DNAH7: variants seen among roughly 807,000 people sequenced by gnomAD.
DNAH7 encodes dynein axonemal heavy chain 7, also known as axonemal beta dynein heavy chain 7.
In DNAH7, 397 loss-of-function variants were observed where a neutral mutation model predicts 444.6. The observed-to-expected ratio is 0.89, with a 90% confidence interval of 0.82 to 0.97. The LOEUF is 0.97. Among genes scored for constraint, DNAH7 ranks in the 50% least tolerant of loss-of-function variants. The pLI is 0.00. For missense variants in DNAH7, 4,902 were observed against 4,800.8 expected (o/e 1.02, Z -0.62); for synonymous variants, 1,636 against 1,624.4 (o/e 1.01, Z -0.17).
At chr2:195,847,159 T>C (rs1419040701) in intron 46 of DNAH7, among the ~76,000 whole-genome samples, 1 of 146,054 alleles carries the variant, frequency 6.8e-6, no homozygotes, top group Non-Finnish European at 1.5e-5. Context: ...TATATACTTA[T>C]ATATATAAAC....
Position 195,865,081 on chromosome 2 carries a change from T to C in DNAH7, c.6634-60A>G, listed in dbSNP as rs2125097608. 14 of 1,482,984 alleles carry C rather than the reference T, an allele frequency of 9.4e-6. No homozygotes were observed. In the South Asian group the frequency reaches 1.6e-4, roughly 17 times the overall value. The allele number at this position is 1,482,984 out of a possible 1,614,324, so 91.9% of individuals were successfully genotyped here. On this transcript the variant is annotated intron_variant, in intron 40 of 64. Coordinates refer to ENST00000312428, the MANE Select transcript of DNAH7 (RefSeq NM_018897.3). ...TCTTCTGATTTTTAAGAAAGTGTTA[T>C]TATATCTGTGCTAATCTCAGGTAAT...
At chr2:195,753,405 G>T (rs1188887827) in intron 63 of DNAH7, among the ~76,000 whole-genome samples, 8 of 152,174 alleles carry the variant, frequency 5.3e-5, no homozygotes, top group Non-Finnish European at 1.2e-4. Flanking sequence ...TCTTGGCACA[G>T]TAATGCGATT....
intron 54 of DNAH7, among the ~76,000 whole-genome samples, chr2:195,802,669 C>CA (rs1003824292): frequency 4.8e-4 from 68 of 142,260 alleles, no homozygotes; most frequent in East Asian, 1.2e-3. Context: ...TGTCTCAAAA[C>CA]AAAAAAAACA....
chr2:196,026,667 T>C, intron 7 of DNAH7, 93 bp downstream of exon 7: 1 of 830,108 alleles, frequency 1.2e-6, no homozygotes, highest in Non-Finnish European at 1.8e-6. Flanking sequence ...TATAATATTG[T>C]GACTAGTTTC....
chr2:195,959,306 C>T (rs1011752138), intron 18 of DNAH7, among the ~76,000 whole-genome samples: 11 of 151,918 alleles, frequency 7.2e-5, no homozygotes, highest in African/African-American at 2.4e-4. Flanking sequence ...GACCTGAATG[C>T]TTCTGCTTTC....
intron 12 of DNAH7, chr2:195,994,875 T>C: frequency 2.4e-6 from 1 of 411,622 alleles, no homozygotes; most frequent in Non-Finnish European, 4.7e-6. Flanking sequence ...TTGACAGGCC[T>C]TGACATTGGG....
chr2:195,919,428 T>C (rs2125338758), intron 24 of DNAH7, among the ~76,000 whole-genome samples: 1 of 152,058 alleles, frequency 6.6e-6, no homozygotes, highest in Middle Eastern at 3.4e-3. Context: ...CACTGCAGCC[T>C]CCACCTCTTG....
chr2:196,055,885 T>C (rs1697770479), intron 2 of DNAH7, among the ~76,000 whole-genome samples: 1 of 152,236 alleles, frequency 6.6e-6, no homozygotes, highest in South Asian at 2.1e-4. Flanking sequence ...TCCATGCTGT[T>C]GCTGAGCTAT....
In DNAH7 at chr2:195,873,591, G is replaced by A; in HGVS notation, c.6390C>T (p.Ile2130=). 1 of 1,409,840 alleles carries A rather than the reference G, an allele frequency of 7.1e-7. No homozygotes were observed. The highest frequency in any genetic ancestry group is 9.4e-7 in the Non-Finnish European group (1 of 1,066,476). The allele number at this position is 1,409,840 out of a possible 1,614,324, so 87.3% of individuals were successfully genotyped here. ...ACCAGATTTCTAAATGCCAAGTTAAGATTCTAGAGAAGATTGTATACATGG... is the reference window on the plus strand; with the variant it reads ...ACCAGATTTCTAAATGCCAAGTTAAAATTCTAGAGAAGATTGTATACATGG... ...DKSMYTIFSR[I]LTWHLEICYK... The change falls in exon 39 of 65, where the codon ATC becomes ATT. Residue 2130 remains isoleucine (I), a synonymous_variant. Coordinates refer to ENST00000312428, the MANE Select transcript of DNAH7 (RefSeq NM_018897.3).
chr2:195,986,959 T>C, intron 14 of DNAH7, 107 bp downstream of exon 14: 4 of 1,014,618 alleles, frequency 3.9e-6, no homozygotes, highest in Non-Finnish European at 5.5e-6. Context: ...ATCATTTCTT[T>C]GGAATCATTT....
At chr2:196,048,274 T>C (rs939920208) in intron 4 of DNAH7, 22 bp downstream of exon 4, 13 of 1,566,874 alleles carry the variant, frequency 8.3e-6, no homozygotes, top group Middle Eastern at 1.7e-4. Flanking sequence ...TTAAATCTAA[T>C]TTAGAATATT....
chr2:195,749,695 A>T (rs1693662958), intron 63 of DNAH7, among the ~76,000 whole-genome samples: 1 of 151,814 alleles, frequency 6.6e-6, no homozygotes, highest in Non-Finnish European at 1.5e-5. Context: ...ACATGGATGA[A>T]ATTGGAAATC....
rs1696332060 is a variant in DNAH7 at position 195,799,301 on chromosome 2, C to G, written c.10348G>C (p.Asp3450His). The change falls in exon 55 of 65, where the codon GAC becomes CAC. Residue 3450 changes from aspartate to histidine, a missense_variant. Asp to His is a moderately conservative substitution (Grantham distance 81, BLOSUM62 -1). Transcript: ENST00000312428. ...PMAALLKFAD[D>H]QGYGGSKLSS... is the part of the protein sequence containing the mutation. ...CTTCATCTATTGTAAGGTACCTGGTCATCAGCAAATTTTAGAAGGGCAGCC... is the reference window on the plus strand; with the variant it reads ...CTTCATCTATTGTAAGGTACCTGGTGATCAGCAAATTTTAGAAGGGCAGCC... The G allele has an allele frequency of 4.4e-6, 7 of 1,580,344 alleles. No homozygotes were observed. Among genetic ancestry groups the G allele is most frequent in the Non-Finnish European group, 6.0e-6 (7 of 1,164,506 alleles).
intron 10 of DNAH7, among the ~76,000 whole-genome samples, chr2:196,007,706 T>C (rs762528972): frequency 1.3e-5 from 2 of 152,070 alleles, no homozygotes; most frequent in East Asian, 1.9e-4. Context: ...TAAATGTGAG[T>C]TCCCCTACAC....
intron 19 of DNAH7, among the ~76,000 whole-genome samples, chr2:195,951,105 C>T (rs1458464865): frequency 6.6e-6 from 1 of 152,148 alleles, no homozygotes; most frequent in African/African-American, 2.4e-5. Context: ...CTAAACACTG[C>T]TTTACCTGTA....
At chr2:195,878,801 G>A (rs1378702199) in intron 36 of DNAH7, among the ~76,000 whole-genome samples, 2 of 151,932 alleles carry the variant, frequency 1.3e-5, no homozygotes, top group African/African-American at 2.4e-5. Context: ...TAAAAATTTG[G>A]CAAAAATAAA....
In DNAH7 at chr2:195,864,875, C is replaced by T; in HGVS notation, c.6780G>A (p.Val2260=). 1 of 1,614,046 alleles carries T rather than the reference C, an allele frequency of 6.2e-7. No individual in the cohort carries two copies. The highest frequency in any genetic ancestry group is 8.5e-7 in the Non-Finnish European group (1 of 1,180,028). The change falls in exon 41 of 65, where the codon GTG becomes GTA. Residue 2260 remains valine, a synonymous_variant. Coordinates refer to ENST00000312428, the MANE Select transcript of DNAH7 (RefSeq NM_018897.3). ...QRLDFDNDGM[V]EADDLRSLMF... The stretch of plus-strand genomic sequence containing the variant: ...TTAAGCTGCGTAAGTCATCTGCTTC[C>T]ACCATGCCATCATTATCAAAATCCA...
intron 15 of DNAH7, among the ~76,000 whole-genome samples, chr2:195,981,682 T>G (rs1586635): frequency 6.6e-6 from 1 of 152,180 alleles, no homozygotes; most frequent in Non-Finnish European, 1.5e-5. Context: ...GAACTCATTT[T>G]CGAGAAAAAT....
chr2:195,935,274 A>T (rs1489233623), intron 20 of DNAH7, among the ~76,000 whole-genome samples: 1 of 152,220 alleles, frequency 6.6e-6, no homozygotes, highest in African/African-American at 2.4e-5. Context: ...GACAGTATCC[A>T]ACTATTAGTC....
Sources: gnomAD v4.1 joint callset for allele counts (sites outside exome capture counted in the v4.1 genomes callset) on GRCh38, gnomAD v4.1.1 for gene constraint, MANE v1.5 for transcripts, NCBI Gene and HGNC (gene_info 2026-07-23, HGNC 2026-07-21) for gene names.